ZIM2: variants seen among roughly 807,000 people sequenced by gnomAD.
ZIM2 encodes zinc finger protein 656.
ZIM2 carries 14 observed loss-of-function variants against 38.6 expected under a neutral mutation model. The observed-to-expected ratio is 0.36, with a 90% CI of 0.24 to 0.57. ZIM2 has a LOEUF of 0.57. ZIM2 is among the 20% of genes least tolerant of loss of function. The pLI, the probability that ZIM2 is intolerant of heterozygous loss-of-function variation, is 0.81. For synonymous variants in ZIM2, 247 were observed against 245.8 expected, an observed-to-expected ratio of 1.00 and a Z score of -0.04; for missense variants, 680 against 695.1, an observed-to-expected ratio of 0.98 and a Z score of 0.24.
intron 12 of ZIM2, among the ~76,000 whole-genome samples, chr19:56,775,823 C>T (rs184142300): frequency 1.4e-4 from 22 of 152,028 alleles, no homozygotes; most frequent in African/African-American, 4.6e-4. Flanking sequence ...AGTAAGTGGC[C>T]GGGCACAGTG....
At chr19:56,779,106 G>A (rs541048241) in intron 12 of ZIM2, among the ~76,000 whole-genome samples, 1 of 152,176 alleles carries the variant, frequency 6.6e-6, no homozygotes. Flanking sequence ...AAAGAGGAGA[G>A]ATGTATGATG....
Position 56,786,220 on chromosome 19 carries a change from T to C in ZIM2, c.570+3652A>G, listed in dbSNP as rs532305126. On this transcript the variant is annotated intron_variant, in intron 10 of 12. Transcript: ENST00000629319. ...GTCTGTGCTGTACACATAAGAAGAA[T>C]AGTATGTGTTCACCCTCAAGAACCA... is the stretch of plus-strand genomic sequence containing the variant. Among the ~76,000 whole-genome samples the C allele has an allele frequency of 2.9e-4, 44 of 152,276 alleles. No individual in the cohort carries two copies. The South Asian group carries it at 8.1e-3, about 28-fold the overall frequency.
chr19:56,837,770 C>T (rs532830147), intron 1 of ZIM2, among the ~76,000 whole-genome samples: 1 of 152,374 alleles, frequency 6.6e-6, no homozygotes, highest in African/African-American at 2.4e-5. Context: ...CCCCTCAGCC[C>T]CCTCCAACAG....
chr19:56,774,986 TGAA>T lies in ZIM2; in HGVS notation c.1376_1378del (p.Leu459del), dbSNP rs762753402. The T allele has an allele frequency of 3.7e-6, 6 of 1,614,200 alleles. No homozygotes were observed. The highest frequency in any genetic ancestry group is 2.2e-5 in the East Asian group (1 of 44,874). On this transcript the variant is annotated inframe_deletion, in exon 13 of 13. Coordinates refer to ENST00000629319, the MANE Select transcript of ZIM2 (RefSeq NM_001387356.1). ...TGCTGCCTCATGGGCTTTGAGATGT[TGAA>T]GAAGATGCACATTCTGGAGAAAAGC...
At chr19:56,781,228 T>TTCACCAGGTTAC (rs111854199) in intron 11 of ZIM2, among the ~76,000 whole-genome samples, 6,387 of 152,238 alleles carry the variant, frequency 0.042, 443 homozygotes, top group African/African-American at 0.14. Flanking sequence ...GGTCCCTGAC[T>TTCACCAGGTTAC]TGCCAGTGGA....
At chr19:56,821,620 C>T (rs762048644) in intron 7 of ZIM2, 31 bp downstream of exon 7, 11 of 1,611,238 alleles carry the variant, frequency 6.8e-6, no homozygotes, top group Non-Finnish European at 9.3e-6. Context: ...TGAAGATGGC[C>T]TTTCTAGAAA....
intron 9 of ZIM2, chr19:56,816,872 G>A (rs762568322): frequency 6.8e-6 from 11 of 1,614,044 alleles, no homozygotes; most frequent in African/African-American, 1.3e-5. Flanking sequence ...TGAATCTTCC[G>A]ATGTTCAGCC....
chr19:56,825,244 T>C (rs1437765237), intron 3 of ZIM2, among the ~76,000 whole-genome samples: 1 of 152,194 alleles, frequency 6.6e-6, no homozygotes, highest in South Asian at 2.1e-4. Flanking sequence ...AACACAATTA[T>C]TAAAACACAG....
intron 9 of ZIM2, chr19:56,812,122 TA>T: frequency 1.0e-6 from 1 of 965,550 alleles, no homozygotes; most frequent in Non-Finnish European, 1.2e-6. Context: ...TCTTTTTTTT[TA>T]AATTTTTTAA....
At chr19:56,811,271 CTT>C (rs2059524161) in intron 9 of ZIM2, 1 of 935,364 alleles carries the variant, frequency 1.1e-6, no homozygotes, top group Non-Finnish European at 1.3e-6. Flanking sequence ...ACCACAACAG[CTT>C]TTGACTATAA....
At chr19:56,813,309 T>G (rs903633483) in intron 9 of ZIM2, 5 of 961,960 alleles carry the variant, frequency 5.2e-6, no homozygotes, top group African/African-American at 1.7e-5. Context: ...CTGTCATAAT[T>G]TGCTATTTTA....
At chr19:56,805,907 C>T (rs2047735961) in intron 9 of ZIM2, among the ~76,000 whole-genome samples, 1 of 152,132 alleles carries the variant, frequency 6.6e-6, no homozygotes, top group Non-Finnish European at 1.5e-5. Flanking sequence ...GGAATATTGA[C>T]AGATTTGATA....
intron 12 of ZIM2, among the ~76,000 whole-genome samples, chr19:56,776,946 G>T (rs2046044930): frequency 6.6e-6 from 1 of 152,194 alleles, no homozygotes; most frequent in Non-Finnish European, 1.5e-5. Context: ...ATGAGGCTGG[G>T]ATGCAAATTT....
intron 9 of ZIM2, among the ~76,000 whole-genome samples, chr19:56,795,699 C>T (rs1568580004): frequency 1.3e-5 from 2 of 152,074 alleles, no homozygotes; most frequent in East Asian, 3.9e-4. Context: ...CTAACGCCTT[C>T]TGTTGGTGGT....
At chr19:56,839,240 G>A (rs7254166) in intron 1 of ZIM2, among the ~76,000 whole-genome samples, 76,095 of 148,866 alleles carry the variant, frequency 0.51, 19,698 homozygotes, top group South Asian at 0.64. Flanking sequence ...CAGCACCTGC[G>A]CAGCAAACTC....
At chr19:56,803,039 A>T (rs2047600287) in intron 9 of ZIM2, among the ~76,000 whole-genome samples, 2 of 152,218 alleles carry the variant, frequency 1.3e-5, no homozygotes, top group African/African-American at 4.8e-5. Flanking sequence ...AAGGATGGCC[A>T]CCTTGCCTTT....
intron 9 of ZIM2, chr19:56,813,455 T>C: frequency 2.2e-6 from 3 of 1,379,788 alleles, no homozygotes; most frequent in South Asian, 3.6e-5. Flanking sequence ...GTGCTATGGC[T>C]TTCCCACATG....
At chr19:56,839,553 A>G (rs1178938736) in intron 1 of ZIM2, among the ~76,000 whole-genome samples, 1 of 141,344 alleles carries the variant, frequency 7.1e-6, no homozygotes, top group South Asian at 2.3e-4. Context: ...ACATGGCGTC[A>G]AAGCGGGCGG....
intron 9 of ZIM2, among the ~76,000 whole-genome samples, chr19:56,801,028 C>T (rs1374878797): frequency 6.6e-6 from 1 of 151,402 alleles, no homozygotes; most frequent in Non-Finnish European, 1.5e-5. Flanking sequence ...CTCCGCCTCC[C>T]AGGTTCAAGC....
Sources: allele counts gnomAD v4.1 joint callset (sites outside exome capture counted in the v4.1 genomes callset), GRCh38; gene constraint gnomAD v4.1.1; transcripts MANE v1.5; gene names NCBI Gene and HGNC (gene_info 2026-07-23, HGNC 2026-07-21).